Variants in RBFOX1 observed in about 807,000 individuals in gnomAD.
RBFOX1 encodes RNA binding fox-1 homolog 1.
Under a neutral mutation model 57.7 loss-of-function variants are expected in RBFOX1, and 8 were observed. The ratio of observed to expected loss-of-function variants is 0.14; its 90% CI spans 0.08 to 0.25. The LOEUF is 0.25. Among genes scored for constraint, RBFOX1 ranks in the 10% least tolerant of loss-of-function variants. The probability of loss-of-function intolerance (pLI) is 1.00; values close to 1 mark genes in which losing one functional copy is unlikely to be tolerated. For missense variants in RBFOX1, 611 were observed against 548.5 expected (o/e 1.11, Z -1.14); for synonymous variants, 326 against 222.4 (o/e 1.47, Z -4.15).
chr16:6,682,938 G>T (rs2058883171), intron 3 of RBFOX1, among the ~76,000 whole-genome samples: 2 of 151,604 alleles, frequency 1.3e-5, no homozygotes, highest in South Asian at 4.2e-4. Flanking sequence ...TCACAGGCCA[G>T]GCAAGTCACA....
chr16:7,181,907 G>A (rs1034496524), intron 4 of RBFOX1, among the ~76,000 whole-genome samples: 21 of 152,024 alleles, frequency 1.4e-4, no homozygotes, highest in East Asian at 3.9e-4. Context: ...TGGTTCTTAC[G>A]TAATTTCTAC....
chr16:5,898,959 A>T (rs1306373261), intron 4 of RBFOX1, among the ~76,000 whole-genome samples: 1 of 150,432 alleles, frequency 6.6e-6, no homozygotes, highest in African/African-American at 2.5e-5. Context: ...GCTACGTGGG[A>T]GGTTGAGGTG....
At chr16:5,743,222 G>T (rs536720858) in intron 3 of RBFOX1, among the ~76,000 whole-genome samples, 3 of 152,270 alleles carry the variant, frequency 2.0e-5, no homozygotes, top group Non-Finnish European at 4.4e-5. Context: ...ACAAATAGAA[G>T]GCAGAACACT....
intron 2 of RBFOX1, among the ~76,000 whole-genome samples, chr16:6,348,524 G>A (rs1395089728): frequency 1.3e-5 from 2 of 152,122 alleles, no homozygotes. Flanking sequence ...CTGAGACGGG[G>A]TAATTTATAA....
At chr16:7,247,571 T>C (rs2094351692) in intron 4 of RBFOX1, among the ~76,000 whole-genome samples, 1 of 152,180 alleles carries the variant, frequency 6.6e-6, no homozygotes, top group Non-Finnish European at 1.5e-5. Flanking sequence ...AGTTTTATGT[T>C]AACAAAAGCT....
At chr16:6,323,603 C>T (rs1241330960) in intron 2 of RBFOX1, among the ~76,000 whole-genome samples, 1 of 152,164 alleles carries the variant, frequency 6.6e-6, no homozygotes, top group Non-Finnish European at 1.5e-5. Context: ...CCCCATACCC[C>T]CAATCTAGAT....
At chr16:7,527,739 A>C (rs1446363417) in intron 5 of RBFOX1, among the ~76,000 whole-genome samples, 1 of 152,172 alleles carries the variant, frequency 6.6e-6, no homozygotes, top group Non-Finnish European at 1.5e-5. Context: ...AGGTCTTAGC[A>C]CAATGACAAA....
At chr16:7,324,916 G>T (rs192471148) in intron 4 of RBFOX1, among the ~76,000 whole-genome samples, 1 of 152,216 alleles carries the variant, frequency 6.6e-6, no homozygotes, top group African/African-American at 2.4e-5. Flanking sequence ...TACTGTTTTG[G>T]TTTCAAAAAT....
chr16:6,145,574 C>T (rs2096751705), intron 1 of RBFOX1, among the ~76,000 whole-genome samples: 1 of 152,046 alleles, frequency 6.6e-6, no homozygotes, highest in African/African-American at 2.4e-5. Context: ...GCTGAAAATC[C>T]TATATTTCCT....
At chr16:7,672,337 T>C (rs770585271) in intron 13 of RBFOX1, among the ~76,000 whole-genome samples, 22 of 152,072 alleles carry the variant, frequency 1.4e-4, no homozygotes, top group African/African-American at 5.3e-4. Context: ...TCAGTGAGAG[T>C]TGTAGGACAT....
chr16:5,917,721 C>G (rs180995592), intron 4 of RBFOX1, among the ~76,000 whole-genome samples: 22 of 152,318 alleles, frequency 1.4e-4, no homozygotes, highest in African/African-American at 5.3e-4. Context: ...GACATAACCT[C>G]TCCCTTGCTT....
At chr16:7,451,294 G>A (rs1054037755) in intron 4 of RBFOX1, among the ~76,000 whole-genome samples, 3 of 152,192 alleles carry the variant, frequency 2.0e-5, no homozygotes, top group South Asian at 4.1e-4. Context: ...AATTCTGCAA[G>A]GGATGTCTTG....
At position 5,888,872 on chromosome 16, in the gene RBFOX1, C is replaced by T. The variant is rs572310338; in HGVS notation, c.351+21537C>T. On this transcript the variant is annotated intron_variant, in intron 4 of 19. Transcript: ENST00000641259. ...ATGAAGGAATAAACAATAGCATGTA[C>T]ACAGCCCTATCTAGAAGCTGAGGAT... 2.7e-5 allele frequency among the ~76,000 whole-genome samples: 4 copies of T among 149,214 alleles called. No individual in the cohort carries two copies. In the South Asian group the frequency reaches 8.5e-4, roughly 32 times the overall value.
At chr16:7,247,547 T>C (rs1441306687) in intron 4 of RBFOX1, among the ~76,000 whole-genome samples, 1 of 152,176 alleles carries the variant, frequency 6.6e-6, no homozygotes, top group African/African-American at 2.4e-5. Context: ...CACAATAATA[T>C]GAAAGTAATG....
At chr16:7,548,634 C>CG (rs568571578) in intron 5 of RBFOX1, among the ~76,000 whole-genome samples, 16 of 152,038 alleles carry the variant, frequency 1.1e-4, no homozygotes, top group Non-Finnish European at 1.5e-4. Context: ...GGGGCAGGAG[C>CG]GGGGGGGCAG....
intron 3 of RBFOX1, among the ~76,000 whole-genome samples, chr16:6,679,324 C>A (rs1378945312): frequency 2.0e-5 from 3 of 151,996 alleles, no homozygotes; most frequent in Non-Finnish European, 2.9e-5. Flanking sequence ...GAGAAGATAA[C>A]AATGACGAGC....
chr16:6,767,759 C>G (rs1412169788), intron 3 of RBFOX1, among the ~76,000 whole-genome samples: 2 of 151,494 alleles, frequency 1.3e-5, no homozygotes, highest in African/African-American at 4.9e-5. Context: ...ACTAAAAATA[C>G]AAAAATTAGC....
chr16:6,193,398 A>ATATACAC (rs1567651244), intron 1 of RBFOX1, among the ~76,000 whole-genome samples: 1 of 62,860 alleles, frequency 1.6e-5, no homozygotes, highest in Non-Finnish European at 3.0e-5. Context: ...TATACTATAT[A>ATATACAC]TATATATATA....
At chr16:7,277,588 A>T (rs1226101762) in intron 4 of RBFOX1, among the ~76,000 whole-genome samples, 1 of 152,138 alleles carries the variant, frequency 6.6e-6, no homozygotes, top group African/African-American at 2.4e-5. Context: ...TCTTCATAAA[A>T]TACAGGTATT....
Sources: gnomAD v4.1 joint callset for allele counts (sites outside exome capture counted in the v4.1 genomes callset) on GRCh38, gnomAD v4.1.1 for gene constraint, MANE v1.5 for transcripts, NCBI Gene and HGNC (gene_info 2026-07-23, HGNC 2026-07-21) for gene names.